BCL2L11: variants seen among roughly 807,000 people sequenced by gnomAD.
The protein encoded by BCL2L11 is BCL2 like 11.
In BCL2L11, 15 loss-of-function variants were observed where a neutral mutation model predicts 20.6. The observed-to-expected ratio is 0.73, with a 90% CI of 0.49 to 1.12. The LOEUF is 1.12. BCL2L11 is among the 50% of genes most tolerant of loss of function. The probability of loss-of-function intolerance (pLI) is 0.00; values close to 1 mark genes in which losing one functional copy is unlikely to be tolerated. For missense variants in BCL2L11, 292 were observed against 260.9 expected (o/e 1.12, Z -0.82); for synonymous variants, 108 against 92.8 (o/e 1.16, Z -0.94).
chr2:111,156,659 C>G (rs2077898194), intron 3 of BCL2L11, among the ~76,000 whole-genome samples: 1 of 152,134 alleles, frequency 6.6e-6, no homozygotes, highest in Non-Finnish European at 1.5e-5. Flanking sequence ...CTCGTTGAAG[C>G]CAGAGTGTGA....
intron 2 of BCL2L11, among the ~76,000 whole-genome samples, chr2:111,128,345 A>G (rs1418249234): frequency 1.3e-5 from 2 of 152,128 alleles, no homozygotes; most frequent in Non-Finnish European, 2.9e-5. Context: ...TTCATCCATC[A>G]GGAGATACTT....
intron 1 of BCL2L11, among the ~76,000 whole-genome samples, chr2:111,122,344 T>G (rs1255834260): frequency 6.6e-6 from 1 of 152,136 alleles, no homozygotes; most frequent in East Asian, 1.9e-4. Flanking sequence ...CTAAGGCTTG[T>G]GTCCGGAAGG....
rs184037668 is a variant in BCL2L11, at chr2:111,153,770, G to A, written c.498+3623G>A. 1.8e-4 allele frequency: 285 copies of A among 1,552,148 alleles called. 1 individual carries two copies. In the African/African-American group the frequency reaches 3.4e-3, roughly 18 times the overall value. ...GCAAAGCCTGACAGGATATTTTCCC[G>A]TTTTTCCAGTTAGAGAAATAGAGGA... is the stretch of plus-strand genomic sequence containing the variant. On this transcript the variant is annotated intron_variant, in intron 3 of 3. Coordinates refer to ENST00000393256, the MANE Select transcript of BCL2L11 (RefSeq NM_138621.5).
At position 111,150,065 on chromosome 2, in the gene BCL2L11, C is replaced by G; in HGVS notation, c.416C>G (p.Pro139Arg). 1 of 1,613,942 alleles carries G rather than the reference C, an allele frequency of 6.2e-7. No individual in the cohort carries two copies. The highest frequency in any genetic ancestry group is 8.5e-7 in the Non-Finnish European group (1 of 1,179,904). The change falls in exon 3 of 4, where the codon CCT (proline) becomes CGT (arginine). Residue 139 changes from proline to arginine, a missense_variant. Transcript: ENST00000393256. ...GCAGCTTCCATGAGGCAGGCTGAAC[C>G]TGCAGATATGCGCCCAGAGATATGG... is the stretch of plus-strand genomic sequence containing the variant. Reference protein sequence around the residue: ...SAMASMRQAEPADMRPEIWIA... With the variant: ...SAMASMRQAERADMRPEIWIA...
chr2:111,156,911 T>C (rs2077934691), intron 3 of BCL2L11, among the ~76,000 whole-genome samples: 1 of 152,162 alleles, frequency 6.6e-6, no homozygotes, highest in Non-Finnish European at 1.5e-5. Context: ...GTCTTCGGCG[T>C]TTAGAAAGGG....
chr2:111,142,290 T>G (rs933556491), intron 2 of BCL2L11: 12 of 1,545,456 alleles, frequency 7.8e-6, no homozygotes, highest in Non-Finnish European at 1.1e-5. Context: ...AATTTATTTA[T>G]ACAACATTTT....
chr2:111,148,987 C>G (rs918989644), intron 2 of BCL2L11, among the ~76,000 whole-genome samples: 2 of 152,074 alleles, frequency 1.3e-5, no homozygotes, highest in Admixed American at 1.3e-4. Flanking sequence ...AGGTTTTTAC[C>G]TATTTTGTTC....
Position 111,164,899 on chromosome 2 carries a change from C to T in BCL2L11, c.*668C>T, listed in dbSNP as rs189977826. 1.3e-5 allele frequency: 2 copies of T among 152,396 alleles called. No individual in the cohort carries two copies. The highest frequency in any genetic ancestry group is 2.4e-5 in the African/African-American group (1 of 41,454). The allele number at this position is 152,396 out of a possible 1,614,324, so 9.4% of individuals were successfully genotyped here. On this transcript the variant is annotated 3_prime_UTR_variant, in exon 4 of 4. Transcript: ENST00000393256. Reference sequence around the variant, plus strand: ...TACCAGTCCCATTTGTAAATATTTACGTACCTTTATAAATTCAGTTGCATC... The same window carrying T: ...TACCAGTCCCATTTGTAAATATTTATGTACCTTTATAAATTCAGTTGCATC...
chr2:111,151,815 T>C (rs1010234878), intron 3 of BCL2L11: 20 of 1,539,466 alleles, frequency 1.3e-5, no homozygotes, highest in Non-Finnish European at 1.7e-5. Context: ...TAAAATACTG[T>C]CTTAAGCTGG....
chr2:111,153,510 T>C (rs1012031841), intron 3 of BCL2L11, among the ~76,000 whole-genome samples: 1 of 152,150 alleles, frequency 6.6e-6, no homozygotes, highest in Non-Finnish European at 1.5e-5. Flanking sequence ...TAATGGTCCA[T>C]TGTTAAATAT....
In BCL2L11 at chr2:111,167,176, AGTT is replaced by A. The variant is rs531499908; in HGVS notation, c.*2946_*2948del. On this transcript the variant is annotated 3_prime_UTR_variant, in exon 4 of 4. Coordinates refer to ENST00000393256, the MANE Select transcript of BCL2L11 (RefSeq NM_138621.5). ...CTCCCACTCCCCTGCCGTCCCATGA[AGTT>A]AACTCCTGAGAGTTGTCGGGGGTGA... 266 of 152,646 alleles carry A rather than the reference AGTT, an allele frequency of 1.7e-3. No homozygotes were observed. Among genetic ancestry groups the A allele is most frequent in the African/African-American group, 6.3e-3 (260 of 41,558 alleles). The allele number at this position is 152,646 out of a possible 1,614,324, so 9.5% of individuals were successfully genotyped here. A position where few individuals can be genotyped will look rare whatever the true frequency, so the allele number is the denominator to read the frequency against.
intron 2 of BCL2L11, among the ~76,000 whole-genome samples, chr2:111,129,201 A>G (rs1484009300): frequency 6.6e-6 from 1 of 152,266 alleles, no homozygotes; most frequent in Non-Finnish European, 1.5e-5. Context: ...TAGATGGTAG[A>G]GCACATGCTT....
chr2:111,147,352 A>T (rs62163314), intron 2 of BCL2L11, among the ~76,000 whole-genome samples: 10,730 of 73,500 alleles, frequency 0.15, 420 homozygotes, highest in Non-Finnish European at 0.17. Flanking sequence ...TCTCTCACAC[A>T]CACACACACA....
intron 1 of BCL2L11, chr2:111,123,224 C>A (rs1022994395): frequency 1.0e-6 from 1 of 985,368 alleles, no homozygotes; most frequent in Non-Finnish European, 1.2e-6. Context: ...GACGCACTTA[C>A]TACGACTGAC....
chr2:111,145,893 A>T, intron 2 of BCL2L11: 1 of 885,652 alleles, frequency 1.1e-6, no homozygotes, highest in Non-Finnish European at 1.4e-6. Context: ...GACATATTGC[A>T]TTATAAAAGT....
intron 2 of BCL2L11, chr2:111,128,866 C>T: frequency 1.4e-6 from 2 of 1,394,002 alleles, no homozygotes; most frequent in East Asian, 2.6e-5. Context: ...TTCTTTCTAC[C>T]TTTTTAAACA....
chr2:111,143,441 A>C (rs531401054), intron 2 of BCL2L11, among the ~76,000 whole-genome samples: 2 of 152,314 alleles, frequency 1.3e-5, no homozygotes, highest in South Asian at 4.1e-4. Flanking sequence ...GTTCACTGAC[A>C]AAAAGTGGGG....
chr2:111,137,103 T>TATAAA (rs2075034930), intron 2 of BCL2L11, among the ~76,000 whole-genome samples: 1 of 152,234 alleles, frequency 6.6e-6, no homozygotes, highest in Admixed American at 6.5e-5. Flanking sequence ...TAGGGGGGAC[T>TATAAA]TCTTACTAAA....
In BCL2L11 at chr2:111,142,377, G is replaced by A. The variant is rs200453151; in HGVS notation, c.395-7667G>A. Reference sequence around the variant, plus strand: ...GGGAAGTTCAGTGGCCACTCAAGTGGTTAGCAAAATCAAGGTGAAAAGTTT... The same window carrying A: ...GGGAAGTTCAGTGGCCACTCAAGTGATTAGCAAAATCAAGGTGAAAAGTTT... On this transcript the variant is annotated intron_variant, in intron 2 of 3. Coordinates refer to ENST00000393256, the MANE Select transcript of BCL2L11 (RefSeq NM_138621.5). 8.1e-4 allele frequency: 1,263 copies of A among 1,550,378 alleles called. 2 individuals carry two copies. Among genetic ancestry groups the A allele is most frequent in the Non-Finnish European group, 1.0e-3 (1,182 of 1,146,914 alleles).
Sources: allele counts gnomAD v4.1 joint callset (sites outside exome capture counted in the v4.1 genomes callset), GRCh38; gene constraint gnomAD v4.1.1; transcripts MANE v1.5; gene names NCBI Gene and HGNC (gene_info 2026-07-23, HGNC 2026-07-21).